TMEM132B: variants seen among roughly 807,000 people sequenced by gnomAD.
TMEM132B encodes the protein transmembrane protein 132B.
Under a neutral mutation model 90.8 loss-of-function variants are expected in TMEM132B, and 18 were observed. The observed-to-expected ratio is 0.20, with a 90% CI of 0.14 to 0.29. The LOEUF (loss-of-function observed/expected upper bound fraction) is 0.29. TMEM132B is among the 10% of genes least tolerant of loss of function. TMEM132B has a pLI of 1.00. For synonymous variants in TMEM132B, 504 were observed against 523.3 expected (o/e 0.96, Z 0.50); for missense variants, 1,096 against 1,326.8 (o/e 0.83, Z 2.70).
intron 1 of TMEM132B, among the ~76,000 whole-genome samples, chr12:125,229,372 G>A (rs919122340): frequency 6.6e-6 from 1 of 152,132 alleles, no homozygotes; most frequent in Non-Finnish European, 1.5e-5. Flanking sequence ...CAGTCAGTGC[G>A]GTGAGTCCTG....
At chr12:125,355,178 T>C (rs1022000290) in intron 2 of TMEM132B, among the ~76,000 whole-genome samples, 1 of 151,974 alleles carries the variant, frequency 6.6e-6, no homozygotes, top group Non-Finnish European at 1.5e-5. Flanking sequence ...GAAAAATGCA[T>C]TGAGATTGTG....
intron 4 of TMEM132B, among the ~76,000 whole-genome samples, chr12:125,557,737 C>A (rs143120796): frequency 1.1e-4 from 17 of 152,008 alleles, no homozygotes. Flanking sequence ...AGATAGTCTC[C>A]GAGACTGATT....
chr12:125,432,495 A>G (rs1380930527), intron 3 of TMEM132B, among the ~76,000 whole-genome samples: 18 of 49,396 alleles, frequency 3.6e-4, no homozygotes, highest in African/African-American at 1.4e-3. Context: ...ATGTATGTGT[A>G]TATATATGTG....
chr12:125,362,484 G>A (rs188296515), intron 2 of TMEM132B, among the ~76,000 whole-genome samples: 72 of 152,246 alleles, frequency 4.7e-4, no homozygotes, highest in African/African-American at 1.6e-3. Flanking sequence ...ACATGAAATC[G>A]ACCCTATTAA....
chr12:125,204,241 C>T (rs1392767730), intron 1 of TMEM132B, among the ~76,000 whole-genome samples: 18 of 149,896 alleles, frequency 1.2e-4, no homozygotes, highest in African/African-American at 3.0e-4. Flanking sequence ...GTGAGGGCTC[C>T]GTGTACCAGG....
intron 2 of TMEM132B, among the ~76,000 whole-genome samples, chr12:125,353,599 G>A (rs1217266583): frequency 6.6e-6 from 1 of 152,204 alleles, no homozygotes; most frequent in African/African-American, 2.4e-5. Context: ...ACTGAAAGAG[G>A]CAAGTGCTAT....
At chr12:125,413,000 G>A (rs1227233553) in intron 2 of TMEM132B, among the ~76,000 whole-genome samples, 5 of 152,072 alleles carry the variant, frequency 3.3e-5, no homozygotes, top group Non-Finnish European at 7.4e-5. Flanking sequence ...TTTGGGGCGT[G>A]CAAGAGCAAG....
intron 5 of TMEM132B, among the ~76,000 whole-genome samples, chr12:125,643,012 A>G (rs1386303092): frequency 6.6e-6 from 1 of 152,162 alleles, no homozygotes; most frequent in Non-Finnish European, 1.5e-5. Context: ...TAAGTTTGGA[A>G]GTGGGCACTT....
chr12:125,264,214 C>T (rs1050035474), intron 1 of TMEM132B, among the ~76,000 whole-genome samples: 1 of 152,196 alleles, frequency 6.6e-6, no homozygotes, highest in Non-Finnish European at 1.5e-5. Context: ...CTGCCTCTGC[C>T]TCTGCCTCTC....
At chr12:125,335,832 C>A (rs1426081097) in intron 1 of TMEM132B, among the ~76,000 whole-genome samples, 1 of 152,002 alleles carries the variant, frequency 6.6e-6, no homozygotes, top group African/African-American at 2.4e-5. Flanking sequence ...ACTAAAAATA[C>A]AAACATTAGC....
chr12:125,238,947 G>A (rs1244620564), intron 1 of TMEM132B, among the ~76,000 whole-genome samples: 1 of 152,152 alleles, frequency 6.6e-6, no homozygotes, highest in Non-Finnish European at 1.5e-5. Context: ...TGGAATAGAA[G>A]ATGAAAGATG....
chr12:125,624,569 T>C (rs544482936), intron 5 of TMEM132B, among the ~76,000 whole-genome samples: 1 of 152,288 alleles, frequency 6.6e-6, no homozygotes, highest in South Asian at 2.1e-4. Flanking sequence ...TTCGTGGACT[T>C]ATTGTCCTCG....
chr12:125,295,320 G>T (rs1486858524), intron 1 of TMEM132B, among the ~76,000 whole-genome samples: 1 of 152,168 alleles, frequency 6.6e-6, no homozygotes, highest in Non-Finnish European at 1.5e-5. Context: ...TGAGATGTTC[G>T]AGGGAAGGTC....
At chr12:125,525,724 G>A (rs924755376) in intron 4 of TMEM132B, among the ~76,000 whole-genome samples, 1 of 152,128 alleles carries the variant, frequency 6.6e-6, no homozygotes, top group African/African-American at 2.4e-5. Flanking sequence ...CTTAGCCAAC[G>A]GCCACTCCTG....
chr12:125,599,673 C>T (rs965189309), intron 5 of TMEM132B, among the ~76,000 whole-genome samples: 2 of 152,088 alleles, frequency 1.3e-5, no homozygotes, highest in African/African-American at 2.4e-5. Flanking sequence ...ATCCCTTCTG[C>T]AGGAGTTTTT....
chr12:125,373,053 T>C (rs995504298), intron 2 of TMEM132B, among the ~76,000 whole-genome samples: 1 of 152,252 alleles, frequency 6.6e-6, no homozygotes, highest in African/African-American at 2.4e-5. Flanking sequence ...CAGCTGATTT[T>C]CTTCAAAGCA....
intron 3 of TMEM132B, among the ~76,000 whole-genome samples, chr12:125,433,868 T>C (rs1395253165): frequency 6.6e-6 from 1 of 152,178 alleles, no homozygotes; most frequent in African/African-American, 2.4e-5. Flanking sequence ...GCCATGTAAT[T>C]ATCTCTTTTC....
intron 2 of TMEM132B, among the ~76,000 whole-genome samples, chr12:125,359,112 G>A (rs1041691742): frequency 2.0e-5 from 3 of 152,258 alleles, no homozygotes; most frequent in Non-Finnish European, 2.9e-5. Flanking sequence ...AAACAGGATC[G>A]AGCACATGGC....
chr12:125,392,861 A>T (rs1879065086), intron 2 of TMEM132B, among the ~76,000 whole-genome samples: 3 of 152,224 alleles, frequency 2.0e-5, no homozygotes, highest in Non-Finnish European at 4.4e-5. Context: ...GCAAGTATTC[A>T]AGTGGCAATT....
Sources: allele counts gnomAD v4.1 joint callset (sites outside exome capture counted in the v4.1 genomes callset), GRCh38; gene constraint gnomAD v4.1.1; transcripts MANE v1.5; gene names NCBI Gene and HGNC (gene_info 2026-07-23, HGNC 2026-07-21).